Variants in DNASE1 observed in about 807,000 individuals in gnomAD.
DNASE1 encodes deoxyribonuclease-1.
In DNASE1, 40 loss-of-function variants were observed where a neutral mutation model predicts 33.9. The ratio of observed to expected loss-of-function variants is 1.18; its 90% CI spans 0.92 to 1.54. The LOEUF (loss-of-function observed/expected upper bound fraction) is 1.54, where lower values mean the gene tolerates loss of function less well. Ranked by LOEUF, DNASE1 falls within the 40% of genes most tolerant of loss-of-function variation. The pLI is 0.00. For missense variants in DNASE1, 518 were observed against 372.6 expected (o/e 1.39, Z -3.21); for synonymous variants, 216 against 160.0 (o/e 1.35, Z -2.64).
intron 1 of DNASE1, among the ~76,000 whole-genome samples, chr16:3,646,865 G>GGGCCT (rs1555457722): frequency 6.6e-6 from 1 of 152,028 alleles, no homozygotes; most frequent in Non-Finnish European, 1.5e-5. Context: ...AGGGGGAGCG[G>GGGCCT]GGCCTAGGAT....
chr16:3,664,142 T>A, exon 10 of DNASE1: 1 of 951,154 alleles, frequency 1.1e-6, no homozygotes, highest in Non-Finnish European at 1.5e-6. Context: ...CCGGCCTCTG[T>A]GCCCGTGACC....
At position 3,655,345 on chromosome 16, in the gene DNASE1, T is replaced by TA. The variant is rs758128465; in HGVS notation, c.-1-27dup. On this transcript the variant is annotated intron_variant, in intron 1 of 8. Coordinates refer to ENST00000246949, the MANE Select transcript of DNASE1 (RefSeq NM_005223.4). ...GGCAGGGATGACGTCTCACTTCTGT[T>TA]ATGTCTCTGTGCCCTGTGCTCTCCC... The TA allele has an allele frequency of 1.1e-5, 17 of 1,613,544 alleles. No homozygotes were observed. The African/African-American group carries it at 2.0e-4, about 19-fold the overall frequency.
intron 1 of DNASE1, among the ~76,000 whole-genome samples, chr16:3,646,185 C>T (rs2042167505): frequency 2.0e-5 from 3 of 152,124 alleles, no homozygotes; most frequent in African/African-American, 4.8e-5. Flanking sequence ...CTGCAGTGTC[C>T]ACTGTGCTGG....
At chr16:3,633,478 GAC>G (rs1318188190) in intron 1 of DNASE1, among the ~76,000 whole-genome samples, 1 of 151,978 alleles carries the variant, frequency 6.6e-6, no homozygotes, top group Non-Finnish European at 1.5e-5. Context: ...CGTGGTGGTG[GAC>G]GCCTGTAATC....
downstream of DNASE1, chr16:3,658,954 G>C: frequency 7.4e-7 from 1 of 1,346,368 alleles, no homozygotes; most frequent in Non-Finnish European, 1.1e-6. Context: ...GATATTTAAA[G>C]AAGCACAGTA....
downstream of DNASE1, chr16:3,662,127 G>T: frequency 6.2e-7 from 1 of 1,611,746 alleles, no homozygotes; most frequent in Non-Finnish European, 8.5e-7. Flanking sequence ...CCAGTCGGAG[G>T]GTCACCTGTG....
intron 1 of DNASE1, among the ~76,000 whole-genome samples, chr16:3,637,131 A>G (rs2041892689): frequency 6.6e-6 from 1 of 152,100 alleles, no homozygotes; most frequent in Non-Finnish European, 1.5e-5. Context: ...CTCAAAAAAA[A>G]AAGAAAAGAA....
At position 3,654,984 on chromosome 16, in the gene DNASE1, A is replaced by T; in HGVS notation, c.-62A>T. On this transcript the variant is annotated 5_prime_UTR_variant, in exon 1 of 9. In the 5' UTR this introduces an upstream ATG that the reference lacks. Coordinates refer to ENST00000246949, the MANE Select transcript of DNASE1 (RefSeq NM_005223.4). ...AGCAAAAGGAGAAAATTGTCATCAA[A>T]GGATATTCCAGATTCTTGACAGCAT... 2.1e-6 allele frequency: 1 copy of T among 470,110 alleles called. No individual in the cohort carries two copies. The highest frequency in any genetic ancestry group is 5.2e-5 in the South Asian group (1 of 19,192). The allele number at this position is 470,110 out of a possible 1,614,324, so 29.1% of individuals were successfully genotyped here. A position where few individuals can be genotyped will look rare whatever the true frequency, so the allele number is the denominator to read the frequency against.
At chr16:3,622,862 C>G (rs746357378) in intron 1 of DNASE1, among the ~76,000 whole-genome samples, 11 of 152,160 alleles carry the variant, frequency 7.2e-5, no homozygotes, top group Non-Finnish European at 1.2e-4. Context: ...CTCACCTTTA[C>G]GTTCTCTTAA....
At chr16:3,662,221 C>G, downstream of DNASE1, 6 of 1,494,072 alleles carry the variant, frequency 4.0e-6, no homozygotes, top group Non-Finnish European at 5.4e-6. Flanking sequence ...GTCACCCAGA[C>G]CACGAGGTAG....
At chr16:3,655,277 C>A in intron 1 of DNASE1, 96 bp from the exon 2 acceptor site, 1 of 1,562,114 alleles carries the variant, frequency 6.4e-7, no homozygotes, top group Non-Finnish European at 8.7e-7. Flanking sequence ...CCTTGAGCTC[C>A]ACCAGCCCCT....
downstream of DNASE1, chr16:3,661,485 T>C (rs903876003): frequency 6.6e-6 from 1 of 152,234 alleles, no homozygotes; most frequent in African/African-American, 2.4e-5. Context: ...GCAGCCTGGC[T>C]CTCCACAACT....
chr16:3,654,934 A>C lies in DNASE1; in HGVS notation c.-112A>C. 1 of 460,416 alleles carries C rather than the reference A, an allele frequency of 2.2e-6. No homozygotes were observed. Among genetic ancestry groups the C allele is most frequent in the South Asian group, 6.0e-5 (1 of 16,802 alleles). 28.5% of individuals were successfully genotyped at this position (460,416 alleles called of 1,614,324 possible). A position where few individuals can be genotyped will look rare whatever the true frequency, so the allele number is the denominator to read the frequency against. On this transcript the variant is annotated 5_prime_UTR_variant, in exon 1 of 9. Coordinates refer to ENST00000246949, the MANE Select transcript of DNASE1 (RefSeq NM_005223.4). ...AGTGCTTCTTCAGAGACCTTTCTTC[A>C]TAGACTACTTTTTTTTCTTTAAGCA...
At chr16:3,632,400 GCGTATA>G (rs959982211) in intron 1 of DNASE1, among the ~76,000 whole-genome samples, 12 of 152,066 alleles carry the variant, frequency 7.9e-5, no homozygotes, top group African/African-American at 2.9e-4. Flanking sequence ...CTGTTGTTAG[GCGTATA>G]CACATAAGGT....
chr16:3,654,448 C>T, upstream of DNASE1: 1 of 398,704 alleles, frequency 2.5e-6, no homozygotes, highest in East Asian at 3.6e-5. Context: ...TGGCTGTCAG[C>T]CACCAGGGGG....
At chr16:3,638,201 G>A (rs143619726), upstream of DNASE1, among the ~76,000 whole-genome samples, 538 of 151,720 alleles carry the variant, frequency 3.5e-3, 2 homozygotes, top group African/African-American at 0.012. Context: ...GAAGTATCAT[G>A]TCATTCTTAC....
At chr16:3,629,000 T>G (rs1419833647) in intron 1 of DNASE1, among the ~76,000 whole-genome samples, 2 of 149,974 alleles carry the variant, frequency 1.3e-5, no homozygotes, top group African/African-American at 4.9e-5. Flanking sequence ...AGTGAAACCC[T>G]GTCTCTACTA....
At chr16:3,619,259 C>T (rs988147308) in intron 1 of DNASE1, among the ~76,000 whole-genome samples, 5 of 152,184 alleles carry the variant, frequency 3.3e-5, no homozygotes, top group African/African-American at 1.2e-4. Context: ...TGATCTCAAA[C>T]TCCTGCGCTC....
chr16:3,625,089 C>T (rs1333029957), intron 1 of DNASE1, among the ~76,000 whole-genome samples: 1 of 152,008 alleles, frequency 6.6e-6, no homozygotes, highest in African/African-American at 2.4e-5. Flanking sequence ...GGCGGATCAC[C>T]TGAGGTTGGG....
Sources: allele counts gnomAD v4.1 joint callset (sites outside exome capture counted in the v4.1 genomes callset), GRCh38; gene constraint gnomAD v4.1.1; transcripts MANE v1.5; gene names NCBI Gene and HGNC (gene_info 2026-07-23, HGNC 2026-07-21).